The following GALNT2 variants were observed in gnomAD, a reference collection of about 807,000 sequenced individuals.
The protein encoded by GALNT2 is UDP-GalNAc:polypeptide N-acetylgalactosaminyltransferase 2.
A neutral mutation model predicts 81.4 loss-of-function variants in GALNT2; 31 were observed. The ratio of observed to expected loss-of-function variants is 0.38; its 90% CI spans 0.29 to 0.51. The LOEUF (loss-of-function observed/expected upper bound fraction) is 0.51. Ranked by LOEUF, GALNT2 falls within the 20% of genes least tolerant of loss-of-function variation. GALNT2 has a pLI of 0.87. For synonymous variants in GALNT2, 303 were observed against 287.4 expected (o/e 1.05, Z -0.55); for missense variants, 629 against 765.7 (o/e 0.82, Z 2.11).
upstream of GALNT2, among the ~76,000 whole-genome samples, chr1:230,066,836 CG>C (rs1659194210): frequency 6.6e-6 from 1 of 150,474 alleles, no homozygotes. Flanking sequence ...AGTCGGGTCC[CG>C]GGGCAGCCAC....
chr1:230,142,010 C>T (rs1472233248), intron 1 of GALNT2, among the ~76,000 whole-genome samples: 3 of 152,014 alleles, frequency 2.0e-5, no homozygotes, highest in Non-Finnish European at 4.4e-5. Flanking sequence ...CCAGGCTGGT[C>T]TTGAACTCCT....
chr1:230,267,685 C>A (rs1185940732), intron 14 of GALNT2, among the ~76,000 whole-genome samples: 5 of 152,196 alleles, frequency 3.3e-5, no homozygotes, highest in Admixed American at 6.5e-5. Context: ...GAGGGAGGAA[C>A]CCATACAGGG....
chr1:230,197,052 AC>A (rs1364927091), intron 2 of GALNT2, among the ~76,000 whole-genome samples: 1 of 151,798 alleles, frequency 6.6e-6, no homozygotes, highest in Non-Finnish European at 1.5e-5. Flanking sequence ...CTGTGTCTGG[AC>A]TATTCCTCTT....
chr1:230,060,547 G>A (rs1659022149), intron 1 of GALNT2, among the ~76,000 whole-genome samples: 2 of 151,682 alleles, frequency 1.3e-5, no homozygotes, highest in Non-Finnish European at 2.9e-5. Context: ...CCACCCAGCA[G>A]TGAATAATAT....
intron 1 of GALNT2, among the ~76,000 whole-genome samples, chr1:230,127,546 T>C (rs1488490636): frequency 2.0e-5 from 3 of 152,046 alleles, no homozygotes; most frequent in Admixed American, 6.5e-5. Flanking sequence ...CAGCTAATTT[T>C]TGTATTTTTC....
At position 230,163,375 on chromosome 1, in the gene GALNT2, G is replaced by A. The variant is rs562071570; in HGVS notation, c.127-14843G>A. Among the ~76,000 whole-genome samples, 3 of 152,322 alleles carry A rather than the reference G, an allele frequency of 2.0e-5. No individual in the cohort carries two copies. The South Asian group carries it at 6.2e-4, about 32-fold the overall frequency. ...ATGAGCAGTGACTGTTCCCAGTGCT[G>A]TTGCTCATCAGAGAGCATGGGATGA... On this transcript the variant is annotated intron_variant, in intron 1 of 15. Transcript: ENST00000366672.
In GALNT2 at chr1:230,236,743, T is replaced by A; in HGVS notation, c.607+18T>A. The stretch of plus-strand genomic sequence containing the variant: ...ACGAGAAGGTAAGATTCTTCTTAAT[T>A]CAGCGCCAAGACAGTTGAATTCTGA... On this transcript the variant is annotated intron_variant, in intron 6 of 15. Transcript: ENST00000366672. 6.2e-7 allele frequency: 1 copy of A among 1,609,406 alleles called. No homozygotes were observed. The highest frequency in any genetic ancestry group is 2.2e-5 in the East Asian group (1 of 44,872).
At chr1:230,108,120 C>A (rs1001807985) in intron 1 of GALNT2, among the ~76,000 whole-genome samples, 12 of 152,340 alleles carry the variant, frequency 7.9e-5, no homozygotes, top group Non-Finnish European at 1.6e-4. Flanking sequence ...GCAGGCTCTG[C>A]TGCCAGGAGC....
chr1:230,105,083 G>T (rs113107569), intron 1 of GALNT2, among the ~76,000 whole-genome samples: 2 of 152,206 alleles, frequency 1.3e-5, no homozygotes, highest in African/African-American at 4.8e-5. Flanking sequence ...AGAGGCTGGG[G>T]GTGTGGAAGG....
rs34482749 is a variant in GALNT2, at chr1:230,075,121, C to CTTTTTTTTT, written c.126+7729_126+7737dup. On this transcript the variant is annotated intron_variant, in intron 1 of 15. Coordinates refer to ENST00000366672, the MANE Select transcript of GALNT2 (RefSeq NM_004481.5). ...TTGATAGTAGTGCTGGTCTGTTTTG[C>CTTTTTTTTT]TTTTTTTTTTTTTTTTTTTTTTGAG... Among the ~76,000 whole-genome samples the CTTTTTTTTT allele has an allele frequency of 1.4e-4, 13 of 92,554 alleles. 2 individuals carry two copies. The highest frequency in any genetic ancestry group is 1.7e-4 in the African/African-American group (4 of 22,888). The allele number at this position is 92,554 out of a possible 152,430, so 60.7% of individuals were successfully genotyped here. A position where few individuals can be genotyped will look rare whatever the true frequency, so the allele number is the denominator to read the frequency against.
At chr1:230,202,227 C>G (rs569382421) in intron 2 of GALNT2, among the ~76,000 whole-genome samples, 9 of 152,324 alleles carry the variant, frequency 5.9e-5, no homozygotes, top group African/African-American at 1.7e-4. Flanking sequence ...TGCTTCAAGT[C>G]TGCCTCTCCT....
At chr1:230,125,992 C>T (rs946649182) in intron 1 of GALNT2, among the ~76,000 whole-genome samples, 1 of 152,210 alleles carries the variant, frequency 6.6e-6, no homozygotes, top group African/African-American at 2.4e-5. Flanking sequence ...AGGCAGCACA[C>T]AGACAGGTAG....
intron 2 of GALNT2, among the ~76,000 whole-genome samples, chr1:230,178,569 A>G (rs938682417): frequency 6.6e-6 from 1 of 152,236 alleles, no homozygotes; most frequent in Non-Finnish European, 1.5e-5. Context: ...ATATTAGTAT[A>G]TATTAGTTCA....
chr1:230,062,098 C>T (rs1221493609), intron 1 of GALNT2, among the ~76,000 whole-genome samples: 2 of 151,908 alleles, frequency 1.3e-5, no homozygotes, highest in Non-Finnish European at 2.9e-5. Context: ...TGATTTTTTA[C>T]CGGTTTGATG....
chr1:230,222,811 G>A (rs1298578572), intron 3 of GALNT2, among the ~76,000 whole-genome samples: 1 of 152,138 alleles, frequency 6.6e-6, no homozygotes, highest in African/African-American at 2.4e-5. Flanking sequence ...ACCCTATGAG[G>A]CATAGGTACT....
chr1:230,121,430 T>C (rs1447291860), intron 1 of GALNT2, among the ~76,000 whole-genome samples: 2 of 152,210 alleles, frequency 1.3e-5, no homozygotes, highest in African/African-American at 2.4e-5. Flanking sequence ...TCTTGATTTT[T>C]CCCTTCTCTT....
chr1:230,251,569 T>TG (rs1404403710), intron 10 of GALNT2, among the ~76,000 whole-genome samples: 1 of 152,124 alleles, frequency 6.6e-6, no homozygotes, highest in Admixed American at 6.6e-5. Flanking sequence ...AAACTCCTTT[T>TG]GGGTTGTTTT....
rs555310401 is a variant in GALNT2 at position 230,164,707 on chromosome 1, G to A, written c.127-13511G>A. ...CGCCACCACGCCTGGCTAATTTTTT[G>A]TAGTTTTAGTAGAGAGGTTTCACCA... On this transcript the variant is annotated intron_variant, in intron 1 of 15. Coordinates refer to ENST00000366672, the MANE Select transcript of GALNT2 (RefSeq NM_004481.5). Among the ~76,000 whole-genome samples the A allele has an allele frequency of 2.2e-4, 33 of 152,120 alleles. No individual in the cohort carries two copies. The South Asian group carries it at 6.2e-3, about 29-fold the overall frequency.
chr1:230,110,468 T>C (rs1660667961), intron 1 of GALNT2, among the ~76,000 whole-genome samples: 1 of 152,188 alleles, frequency 6.6e-6, no homozygotes, highest in African/African-American at 2.4e-5. Context: ...TGGGTCCTAG[T>C]GCTGTCATGT....
Sources: gnomAD v4.1 joint callset for allele counts (sites outside exome capture counted in the v4.1 genomes callset) on GRCh38, gnomAD v4.1.1 for gene constraint, MANE v1.5 for transcripts, NCBI Gene and HGNC (gene_info 2026-07-23, HGNC 2026-07-21) for gene names.